PDIA6: variants seen among roughly 807,000 people sequenced by gnomAD.
The protein encoded by PDIA6 is protein disulfide-isomerase A6.
A neutral mutation model predicts 58.4 loss-of-function variants in PDIA6; 29 were observed. That is an observed-to-expected ratio of 0.50 (90% CI 0.37 to 0.68). The LOEUF is 0.68. Among genes scored for constraint, PDIA6 ranks in the 30% least tolerant of loss-of-function variants. The pLI is 0.00. For synonymous variants in PDIA6, 192 were observed against 202.6 expected (o/e 0.95, Z 0.44); for missense variants, 480 against 551.0 (o/e 0.87, Z 1.29).
At chr2:10,820,927 C>A (rs1572701986) in intron 1 of PDIA6, 1 of 694,314 alleles carries the variant, frequency 1.4e-6, no homozygotes, top group South Asian at 1.5e-5. Context: ...TCCTAAGAGT[C>A]AGGAAGAGGA....
chr2:10,821,036 A>T, intron 1 of PDIA6: 1 of 544,276 alleles, frequency 1.8e-6, no homozygotes, highest in Non-Finnish European at 3.3e-6. Context: ...CCTCCCAGTG[A>T]GGAGATGGCC....
chr2:10,820,782 T>G (rs1333527762), intron 1 of PDIA6: 5 of 702,968 alleles, frequency 7.1e-6, no homozygotes, highest in Admixed American at 2.0e-5. Flanking sequence ...TGGCTGGAAG[T>G]CGGAGCTGAT....
intron 4 of PDIA6, among the ~76,000 whole-genome samples, chr2:10,794,876 G>A (rs938053502): frequency 3.3e-5 from 5 of 152,228 alleles, no homozygotes; most frequent in South Asian, 4.1e-4. Context: ...GCAGTGAGCC[G>A]AGATAGCACC....
rs1421531505 is a variant in PDIA6, at chr2:10,797,297, A to G, written c.220-90T>C. The G allele has an allele frequency of 6.1e-6, 8 of 1,315,766 alleles. No individual in the cohort carries two copies. In the Admixed American group the frequency reaches 6.8e-5, roughly 11 times the overall value. The allele number at this position is 1,315,766 out of a possible 1,614,324, so 81.5% of individuals were successfully genotyped here. A position where few individuals can be genotyped will look rare whatever the true frequency, so the allele number is the denominator to read the frequency against. ...TATCTGCTTCACATAGACTCAGAAA[A>G]AGGTAATAAAGCACAGGGTGCAGTT... On this transcript the variant is annotated intron_variant, in intron 3 of 12. Transcript: ENST00000272227.
intron 1 of PDIA6, among the ~76,000 whole-genome samples, chr2:10,820,188 G>A (rs1201643973): frequency 6.6e-6 from 1 of 152,234 alleles, no homozygotes; most frequent in Non-Finnish European, 1.5e-5. Flanking sequence ...ATGAAAGAGA[G>A]AGAATAGCTC....
intron 7 of PDIA6, among the ~76,000 whole-genome samples, chr2:10,790,124 A>G (rs948859620): frequency 3.9e-5 from 6 of 151,930 alleles, no homozygotes; most frequent in African/African-American, 1.5e-4. Context: ...GACTGCAGGC[A>G]CACACCACCA....
At chr2:10,794,643 T>C (rs1329267274) in intron 4 of PDIA6, among the ~76,000 whole-genome samples, 2 of 150,802 alleles carry the variant, frequency 1.3e-5, no homozygotes, top group African/African-American at 4.9e-5. Context: ...AGAAACAAAA[T>C]ATAGGCCGGG....
intron 6 of PDIA6, among the ~76,000 whole-genome samples, chr2:10,791,053 C>A (rs1666012313): frequency 6.6e-6 from 1 of 152,116 alleles, no homozygotes; most frequent in Admixed American, 6.5e-5. Flanking sequence ...CCCCATGTTG[C>A]CCAGGCTGGT....
chr2:10,818,193 C>T (rs375341873), intron 2 of PDIA6, among the ~76,000 whole-genome samples: 4 of 151,014 alleles, frequency 2.6e-5, no homozygotes, highest in African/African-American at 7.3e-5. Context: ...GACAGGGTCT[C>T]ACTCTGTCAC....
At chr2:10,816,201 G>A (rs1397543273), upstream of PDIA6, among the ~76,000 whole-genome samples, 1 of 146,534 alleles carries the variant, frequency 6.8e-6, no homozygotes, top group African/African-American at 2.5e-5. Flanking sequence ...TCCTGCCTCA[G>A]CCTCCCAAGT....
chr2:10,820,676 C>T, intron 1 of PDIA6: 1 of 665,532 alleles, frequency 1.5e-6, no homozygotes, highest in South Asian at 1.6e-5. Flanking sequence ...ACTCTTTTGT[C>T]CTCACTATCT....
rs935833966 is a variant in PDIA6 at position 10,799,996 on chromosome 2, A to G, written c.162-2239T>C. On this transcript the variant is annotated intron_variant, in intron 2 of 12. Transcript: ENST00000272227. ...GGAGGGAGTCTATGAATTTGGATGA[A>G]AAAAAAGTCTTTATTTTCACTAATC... Among the ~76,000 whole-genome samples, 10 of 143,388 alleles carry G rather than the reference A, an allele frequency of 7.0e-5. No homozygotes were observed. The South Asian group carries it at 8.3e-4, about 12-fold the overall frequency. The allele number at this position is 143,388 out of a possible 152,430, so 94.1% of individuals were successfully genotyped here.
chr2:10,792,842 G>C (rs1473674596), intron 5 of PDIA6, among the ~76,000 whole-genome samples: 1 of 152,154 alleles, frequency 6.6e-6, no homozygotes, highest in African/African-American at 2.4e-5. Context: ...GTGGCTCCTG[G>C]GCCTGGTACT....
chr2:10,784,543 T>G, intron 12 of PDIA6: 1 of 508,710 alleles, frequency 2.0e-6, no homozygotes, highest in East Asian at 3.1e-5. Context: ...CACTCACCAT[T>G]TTAACACTGG....
At chr2:10,809,675 C>CAA (rs1332203085) in intron 1 of PDIA6, among the ~76,000 whole-genome samples, 10 of 86,214 alleles carry the variant, frequency 1.2e-4, no homozygotes, top group Non-Finnish European at 2.0e-4. Flanking sequence ...AAAAAAAACC[C>CAA]AAAAAATAGG....
At chr2:10,807,904 G>A (rs1206738876) in intron 1 of PDIA6, among the ~76,000 whole-genome samples, 1 of 152,180 alleles carries the variant, frequency 6.6e-6, no homozygotes, top group African/African-American at 2.4e-5. Flanking sequence ...TAGACCAAAT[G>A]GCCCATCTAT....
chr2:10,796,932 G>A, intron 4 of PDIA6, 149 bp downstream of exon 4: 1 of 679,476 alleles, frequency 1.5e-6, no homozygotes, highest in South Asian at 1.8e-5. Flanking sequence ...GAATGACTCG[G>A]AGGGTATAGG....
upstream of PDIA6, among the ~76,000 whole-genome samples, chr2:10,834,108 G>A (rs1237844213): frequency 6.6e-6 from 1 of 152,252 alleles, no homozygotes; most frequent in African/African-American, 2.4e-5. Context: ...AGCTTCTACA[G>A]TGAGAGCAAC....
chr2:10,810,493 T>C lies in PDIA6; in HGVS notation c.19+2185A>G, dbSNP rs1666958758. On this transcript the variant is annotated intron_variant, in intron 1 of 12. Coordinates refer to ENST00000272227, the MANE Select transcript of PDIA6 (RefSeq NM_005742.4). The stretch of plus-strand genomic sequence containing the variant: ...TCCCTTTCCGTATAAAGACGCTCTT[T>C]ACTGACAGTATTAAGATAGACTTGG... 3.9e-6 allele frequency: 5 copies of C among 1,285,160 alleles called. No individual in the cohort carries two copies. The Admixed American group carries it at 1.1e-4, about 28-fold the overall frequency. 79.6% of individuals were successfully genotyped at this position (1,285,160 alleles called of 1,614,324 possible). A position where few individuals can be genotyped will look rare whatever the true frequency, so the allele number is the denominator to read the frequency against.
Sources: allele counts gnomAD v4.1 joint callset (sites outside exome capture counted in the v4.1 genomes callset), GRCh38; gene constraint gnomAD v4.1.1; transcripts MANE v1.5; gene names NCBI Gene and HGNC (gene_info 2026-07-23, HGNC 2026-07-21).